The following SEMA5A variants were observed in gnomAD, a reference collection of about 807,000 sequenced individuals.
SEMA5A encodes the protein semaphorin-5A.
Under a neutral mutation model 135.5 loss-of-function variants are expected in SEMA5A, and 55 were observed. That is an observed-to-expected ratio of 0.41 (90% confidence interval 0.33 to 0.51). SEMA5A has a LOEUF of 0.51. Among genes scored for constraint, SEMA5A ranks in the 20% least tolerant of loss-of-function variants. SEMA5A has a pLI of 0.37. For missense variants in SEMA5A, 1,290 were observed against 1,419.9 expected, an observed-to-expected ratio of 0.91 and a Z score of 1.47; for synonymous variants, 580 against 546.5, an observed-to-expected ratio of 1.06 and a Z score of -0.85.
At chr5:9,137,330 T>C (rs1372761033) in intron 12 of SEMA5A, among the ~76,000 whole-genome samples, 1 of 152,218 alleles carries the variant, frequency 6.6e-6, no homozygotes, top group African/African-American at 2.4e-5. Flanking sequence ...ATATCCTACA[T>C]ATGATATCAG....
At chr5:9,201,784 A>G (rs906936195) in intron 9 of SEMA5A, among the ~76,000 whole-genome samples, 171 bp downstream of exon 9, 3 of 152,194 alleles carry the variant, frequency 2.0e-5, no homozygotes, top group Non-Finnish European at 4.4e-5. Flanking sequence ...CAAATCACAT[A>G]TCTTTATCTA....
At chr5:9,286,401 C>T (rs952423565) in intron 5 of SEMA5A, among the ~76,000 whole-genome samples, 2 of 151,886 alleles carry the variant, frequency 1.3e-5, no homozygotes, top group Admixed American at 1.3e-4. Context: ...ATTTTTTCCC[C>T]CAGACTCTGA....
intron 11 of SEMA5A, among the ~76,000 whole-genome samples, chr5:9,186,674 T>C (rs1744826712): frequency 6.6e-6 from 1 of 152,222 alleles, no homozygotes; most frequent in South Asian, 2.1e-4. Flanking sequence ...AGATTCTTTT[T>C]TAGATTTACC....
At chr5:9,449,918 CT>C (rs1283450681) in intron 1 of SEMA5A, among the ~76,000 whole-genome samples, 1 of 152,196 alleles carries the variant, frequency 6.6e-6, no homozygotes, top group Non-Finnish European at 1.5e-5. Context: ...ATAAAATTCT[CT>C]TTTCAATCCT....
intron 6 of SEMA5A, among the ~76,000 whole-genome samples, chr5:9,236,056 T>A (rs369933287): frequency 6.6e-6 from 1 of 152,146 alleles, no homozygotes; most frequent in South Asian, 2.1e-4. Flanking sequence ...GTGAGACTTA[T>A]TCAGTATCAT....
intron 13 of SEMA5A, among the ~76,000 whole-genome samples, chr5:9,124,823 T>C (rs550181886): frequency 6.6e-6 from 1 of 152,270 alleles, no homozygotes; most frequent in Admixed American, 6.5e-5. Flanking sequence ...GGAAGACCTT[T>C]GGTGATGAGT....
At chr5:9,056,124 G>T (rs1280270521) in intron 18 of SEMA5A, among the ~76,000 whole-genome samples, 1 of 152,166 alleles carries the variant, frequency 6.6e-6, no homozygotes, top group Non-Finnish European at 1.5e-5. Context: ...CCTAGATTGT[G>T]TCAGGGCCTG....
chr5:9,050,276 G>A, intron 21 of SEMA5A, 134 bp downstream of exon 21: 2 of 744,966 alleles, frequency 2.7e-6, no homozygotes, highest in Non-Finnish European at 4.3e-6. Flanking sequence ...AAGGTAGAAT[G>A]CCTGGGATCC....
At chr5:9,280,995 A>C (rs1750513188) in intron 5 of SEMA5A, among the ~76,000 whole-genome samples, 1 of 152,204 alleles carries the variant, frequency 6.6e-6, no homozygotes, top group African/African-American at 2.4e-5. Flanking sequence ...CCACTTTAAA[A>C]GTCTCATTTA....
At chr5:9,480,118 C>G (rs962478985) in intron 1 of SEMA5A, among the ~76,000 whole-genome samples, 1 of 152,094 alleles carries the variant, frequency 6.6e-6, no homozygotes, top group East Asian at 1.9e-4. Flanking sequence ...TTGGCCTCTG[C>G]ACATTCGACA....
intron 6 of SEMA5A, among the ~76,000 whole-genome samples, chr5:9,227,771 T>A (rs1253544548): frequency 1.3e-5 from 2 of 152,116 alleles, no homozygotes; most frequent in Non-Finnish European, 1.5e-5. Flanking sequence ...AGGATGGTCT[T>A]GATCTCTTGA....
In SEMA5A at chr5:9,545,268, G is replaced by T. The variant is rs1215158658; in HGVS notation, c.-175+316C>A. ...GACCAGTGTGCGCACCTTTCCGGGT[G>T]TTGGGCAGGGGTCCCGTCTCGCCCA... On this transcript the variant is annotated intron_variant, in intron 1 of 22. Transcript: ENST00000382496. This position sits in a 1 kb window ranked among gnomAD's most constrained non-coding sequence, Gnocchi z 4.5. 6.6e-6 allele frequency among the ~76,000 whole-genome samples: 1 copy of T among 152,248 alleles called. No homozygotes were observed. Among genetic ancestry groups the T allele is most frequent in the Middle Eastern group, 3.4e-3 (1 of 294 alleles).
chr5:9,298,953 C>G (rs568548786), intron 5 of SEMA5A, among the ~76,000 whole-genome samples: 15 of 152,312 alleles, frequency 9.8e-5, no homozygotes, highest in African/African-American at 3.6e-4. Flanking sequence ...AGTCTAGATG[C>G]ATACTTCCCT....
intron 1 of SEMA5A, among the ~76,000 whole-genome samples, chr5:9,469,791 C>G (rs890686638): frequency 6.6e-6 from 1 of 152,070 alleles, no homozygotes; most frequent in African/African-American, 2.4e-5. Flanking sequence ...ATGCAAGAAC[C>G]CCCAGCAGGC....
intron 2 of SEMA5A, among the ~76,000 whole-genome samples, chr5:9,433,776 T>C (rs1477521874): frequency 2.0e-5 from 3 of 152,168 alleles, no homozygotes; most frequent in African/African-American, 7.2e-5. Flanking sequence ...TTTTGAGTAA[T>C]GATATTCAAA....
Position 9,199,386 on chromosome 5 carries a change from G to A in SEMA5A, c.933-2083C>T, listed in dbSNP as rs373786222. Reference sequence around the variant, plus strand: ...GCTGTGCTCTGGGGGCAAAGGACGGGCCTGTGTGACTCCACTGTGCTCCTC... The same window carrying A: ...GCTGTGCTCTGGGGGCAAAGGACGGACCTGTGTGACTCCACTGTGCTCCTC... On this transcript the variant is annotated intron_variant, in intron 9 of 22. Coordinates refer to ENST00000382496, the MANE Select transcript of SEMA5A (RefSeq NM_003966.3). Among the ~76,000 whole-genome samples, 17 of 152,192 alleles carry A rather than the reference G, an allele frequency of 1.1e-4. 2 individuals carry two copies. The South Asian group carries it at 3.5e-3, about 32-fold the overall frequency.
chr5:9,248,690 A>T (rs1748609111), intron 5 of SEMA5A, among the ~76,000 whole-genome samples: 1 of 152,186 alleles, frequency 6.6e-6, no homozygotes, highest in Non-Finnish European at 1.5e-5. Context: ...GCAGAGGAAG[A>T]TGCGGAGCAT....
At chr5:9,265,552 A>G (rs907433746) in intron 5 of SEMA5A, 22 of 456,174 alleles carry the variant, frequency 4.8e-5, no homozygotes, top group African/African-American at 3.8e-4. Context: ...CTGTGAGTAT[A>G]TGTGACTCAT....
intron 1 of SEMA5A, among the ~76,000 whole-genome samples, chr5:9,442,707 T>C (rs1019642640): frequency 1.3e-5 from 2 of 152,192 alleles, no homozygotes; most frequent in East Asian, 3.9e-4. Flanking sequence ...AAAGAAAATA[T>C]ATTCCACATT....
Sources: allele counts gnomAD v4.1 joint callset (sites outside exome capture counted in the v4.1 genomes callset), GRCh38; gene constraint gnomAD v4.1.1; non-coding constraint Gnocchi (gnomAD v3.1); transcripts MANE v1.5; gene names NCBI Gene and HGNC (gene_info 2026-07-23, HGNC 2026-07-21).